The following GMDS variants were observed in gnomAD, a reference collection of about 807,000 sequenced individuals.
GMDS encodes GDP-mannose 4,6 dehydratase.
A neutral mutation model predicts 49.9 loss-of-function variants in GMDS; 20 were observed. The ratio of observed to expected loss-of-function variants is 0.40; its 90% CI spans 0.28 to 0.58. The LOEUF is 0.58. GMDS is among the 20% of genes least tolerant of loss of function. The pLI is 0.42. For missense variants in GMDS, 362 were observed against 481.4 expected, an observed-to-expected ratio of 0.75 and a Z score of 2.32; for synonymous variants, 177 against 178.6, an observed-to-expected ratio of 0.99 and a Z score of 0.07.
chr6:2,223,407 A>C (rs1780682002), intron 1 of GMDS, among the ~76,000 whole-genome samples: 2 of 151,914 alleles, frequency 1.3e-5, no homozygotes, highest in African/African-American at 4.8e-5. Context: ...TAAGCTGAGG[A>C]GCGACCATCT....
chr6:1,941,042 A>C lies in GMDS; in HGVS notation c.644-10812T>G, dbSNP rs141621007. Among the ~76,000 whole-genome samples, 471 of 144,500 alleles carry C rather than the reference A, an allele frequency of 3.3e-3. 1 individual carries two copies. The highest frequency in any genetic ancestry group is 9.5e-3 in the African/African-American group (370 of 38,794). The allele number at this position is 144,500 out of a possible 152,430, so 94.8% of individuals were successfully genotyped here. ...AACCATGGCCTTAGTCAAATAAAAC[A>C]ACCCCACAAAGACAAAATCCCCAAA... On this transcript the variant is annotated intron_variant, in intron 6 of 10. Transcript: ENST00000380815.
intron 4 of GMDS, among the ~76,000 whole-genome samples, chr6:2,002,442 C>T (rs1766882941): frequency 6.6e-6 from 1 of 152,162 alleles, no homozygotes; most frequent in Non-Finnish European, 1.5e-5. Flanking sequence ...TTTTCATAAT[C>T]CTTTCTTACC....
rs1449722445 is a variant in GMDS, at chr6:1,836,142, C to T, written c.772-93556G>A. Among the ~76,000 whole-genome samples the T allele has an allele frequency of 6.6e-6, 1 of 152,202 alleles. No homozygotes were observed. Among genetic ancestry groups the T allele is most frequent in the Non-Finnish European group, 1.5e-5 (1 of 68,028 alleles). ...TCAGCCTCCCAAAGTGCTGGGATTA[C>T]AGGCCTGAGCCACCGTGCCTGGCCT... On this transcript the variant is annotated intron_variant, in intron 7 of 10. Transcript: ENST00000380815. The surrounding 1 kb of genome is among the most constrained non-coding windows in gnomAD (Gnocchi z 4.2).
At chr6:1,775,997 A>G (rs1016018564) in intron 7 of GMDS, among the ~76,000 whole-genome samples, 2 of 152,158 alleles carry the variant, frequency 1.3e-5, no homozygotes, top group Admixed American at 6.6e-5. Context: ...GAGCAATACA[A>G]TGGGTGTCCT....
At chr6:1,921,685 T>C (rs1761723128) in intron 7 of GMDS, among the ~76,000 whole-genome samples, 2 of 152,210 alleles carry the variant, frequency 1.3e-5, no homozygotes, top group East Asian at 3.8e-4. Context: ...TTCCTATAAA[T>C]AAAGCTGTTC....
intron 1 of GMDS, among the ~76,000 whole-genome samples, chr6:2,206,580 T>C (rs1439416970): frequency 6.6e-6 from 1 of 152,244 alleles, no homozygotes; most frequent in Non-Finnish European, 1.5e-5. Flanking sequence ...CACTGTCACC[T>C]GACCAACCTC....
Position 1,783,867 on chromosome 6 carries a change from T to G in GMDS, c.772-41281A>C, listed in dbSNP as rs1269036298. ...TTGTACTTAGTGACAGAAACAACAT[T>G]GCGATGTGAAGGTTACTCTGGGTGA... On this transcript the variant is annotated intron_variant, in intron 7 of 10. Transcript: ENST00000380815. Among the ~76,000 whole-genome samples the G allele has an allele frequency of 4.6e-5, 7 of 152,182 alleles. No homozygotes were observed. In the East Asian group the frequency reaches 1.4e-3, roughly 30 times the overall value.
chr6:1,987,811 T>C (rs766258226), intron 4 of GMDS, among the ~76,000 whole-genome samples: 9 of 152,348 alleles, frequency 5.9e-5, no homozygotes, highest in Non-Finnish European at 8.8e-5. Context: ...ATTTGCCATG[T>C]GCCAGGCACT....
chr6:1,898,414 G>A (rs530369481), intron 7 of GMDS, among the ~76,000 whole-genome samples: 1 of 152,318 alleles, frequency 6.6e-6, no homozygotes, highest in Non-Finnish European at 1.5e-5. Flanking sequence ...AGACAGCTCT[G>A]GTGCCAGTAT....
chr6:2,087,679 A>C (rs1319626296), intron 4 of GMDS, among the ~76,000 whole-genome samples: 2 of 152,200 alleles, frequency 1.3e-5, no homozygotes, highest in Non-Finnish European at 2.9e-5. Context: ...AGCCACACGC[A>C]ATTTTAGTAT....
At chr6:1,899,656 C>T (rs760072562) in intron 7 of GMDS, among the ~76,000 whole-genome samples, 2 of 152,182 alleles carry the variant, frequency 1.3e-5, no homozygotes, top group Non-Finnish European at 2.9e-5. Context: ...AAAACAATCT[C>T]CTAAGGCTTC....
chr6:1,674,276 C>T (rs545319834), intron 9 of GMDS, among the ~76,000 whole-genome samples: 3 of 152,230 alleles, frequency 2.0e-5, no homozygotes, highest in East Asian at 1.9e-4. Context: ...TGACGTATGA[C>T]GCTGAGCATA....
intron 9 of GMDS, among the ~76,000 whole-genome samples, chr6:1,724,310 T>C (rs186446196): frequency 7.9e-5 from 12 of 152,274 alleles, no homozygotes; most frequent in Admixed American, 7.2e-4. Flanking sequence ...GGTATGATGA[T>C]AGCACTTGAA....
At chr6:1,747,392 T>C (rs776434932) in intron 7 of GMDS, among the ~76,000 whole-genome samples, 32 of 151,450 alleles carry the variant, frequency 2.1e-4, no homozygotes, top group Admixed American at 7.3e-4. Flanking sequence ...CTATGTCTAT[T>C]TGACTGTTAC....
At chr6:1,654,817 C>T (rs1434751196) in intron 9 of GMDS, among the ~76,000 whole-genome samples, 1 of 152,106 alleles carries the variant, frequency 6.6e-6, no homozygotes, top group Non-Finnish European at 1.5e-5. Flanking sequence ...AATTCCAGCA[C>T]TTTGGGAGCT....
chr6:1,640,109 C>T lies in GMDS; in HGVS notation c.988-15569G>A, dbSNP rs939390708. ...CAGTCAGTGACGGCTCTACTGGGGC[C>T]CAGGGGATGCAGTTAGACCCCAGAA... On this transcript the variant is annotated intron_variant, in intron 9 of 10. Transcript: ENST00000380815. The surrounding 1 kb of genome is among the most constrained non-coding windows in gnomAD (Gnocchi z 4.0). Among the ~76,000 whole-genome samples, 2 of 152,142 alleles carry T rather than the reference C, an allele frequency of 1.3e-5. No homozygotes were observed. The highest frequency in any genetic ancestry group is 4.8e-5 in the African/African-American group (2 of 41,420).
intron 4 of GMDS, among the ~76,000 whole-genome samples, chr6:2,034,073 GATAA>G (rs1484268367): frequency 6.6e-6 from 1 of 152,124 alleles, no homozygotes. Context: ...GGTATTTAAT[GATAA>G]ATAGATATAT....
intron 4 of GMDS, among the ~76,000 whole-genome samples, chr6:2,063,136 C>T (rs568447969): frequency 5.7e-4 from 87 of 152,192 alleles, no homozygotes; most frequent in African/African-American, 2.1e-3. Flanking sequence ...TGGCACAGTG[C>T]CTGAAACTTT....
chr6:1,632,328 A>G (rs1763024587), intron 9 of GMDS, among the ~76,000 whole-genome samples: 1 of 152,218 alleles, frequency 6.6e-6, no homozygotes, highest in Non-Finnish European at 1.5e-5. Flanking sequence ...AAACTGACAC[A>G]GAAGAGTCCA....
Sources: gnomAD v4.1 joint callset for allele counts (sites outside exome capture counted in the v4.1 genomes callset) on GRCh38, gnomAD v4.1.1 for gene constraint, Gnocchi (gnomAD v3.1) non-coding constraint, MANE v1.5 for transcripts, NCBI Gene and HGNC (gene_info 2026-07-23, HGNC 2026-07-21) for gene names.